The following ELF1 variants were observed in gnomAD, a reference collection of about 807,000 sequenced individuals.
ELF1 encodes ETS-related transcription factor Elf-1.
A neutral mutation model predicts 59.9 loss-of-function variants in ELF1; 24 were observed. The observed-to-expected ratio is 0.40, with a 90% CI of 0.29 to 0.56. The LOEUF (loss-of-function observed/expected upper bound fraction) is 0.56. ELF1 is among the 20% of genes least tolerant of loss of function. The probability of loss-of-function intolerance (pLI) is 0.44; values close to 1 mark genes in which losing one functional copy is unlikely to be tolerated. For synonymous variants in ELF1, 248 were observed against 266.2 expected (o/e 0.93, Z 0.67); for missense variants, 627 against 742.2 (o/e 0.84, Z 1.80).
Position 40,961,669 on chromosome 13 carries a change from A to G in ELF1, c.73-2653T>C, listed in dbSNP as rs370221497. ...TTCCCTTTCCCTTTTTTGACAGGTA[A>G]ATTGTAGACATGCAATCCCACCTAG... On this transcript the variant is annotated intron_variant, in intron 2 of 8. Transcript: ENST00000239882. Among the ~76,000 whole-genome samples, 14 of 152,348 alleles carry G rather than the reference A, an allele frequency of 9.2e-5. No individual in the cohort carries two copies. In the South Asian group the frequency reaches 2.9e-3, roughly 32 times the overall value.
chr13:40,943,611 T>C (rs1459594583), intron 6 of ELF1, among the ~76,000 whole-genome samples: 1 of 152,208 alleles, frequency 6.6e-6, no homozygotes, highest in African/African-American at 2.4e-5. Context: ...AGTCTCTTTA[T>C]TAAATGAAAA....
intron 1 of ELF1, among the ~76,000 whole-genome samples, chr13:40,992,107 T>C (rs543906670): frequency 6.6e-6 from 1 of 152,348 alleles, no homozygotes; most frequent in South Asian, 2.1e-4. Context: ...TAATGTCACA[T>C]TTTATTCTTT....
chr13:40,982,216 G>T lies in ELF1; in HGVS notation c.-162C>A. 1.5e-6 allele frequency: 2 copies of T among 1,301,348 alleles called. No homozygotes were observed. Among genetic ancestry groups the T allele is most frequent in the Non-Finnish European group, 2.0e-6 (2 of 1,023,538 alleles). The allele number at this position is 1,301,348 out of a possible 1,614,324, so 80.6% of individuals were successfully genotyped here. A position where few individuals can be genotyped will look rare whatever the true frequency, so the allele number is the denominator to read the frequency against. On this transcript the variant is annotated 5_prime_UTR_variant, in exon 2 of 9. Transcript: ENST00000239882. ...TAGGGAAGGTGCTTCAGTTTTCCTG[G>T]TTCATTGATATTCTAGTCAAATTGA...
intron 2 of ELF1, among the ~76,000 whole-genome samples, chr13:40,965,358 A>C (rs1872110740): frequency 6.6e-6 from 1 of 152,216 alleles, no homozygotes. Flanking sequence ...GCAGTGGCTC[A>C]CACCTGTAAC....
intron 1 of ELF1, among the ~76,000 whole-genome samples, chr13:41,050,119 C>G (rs1877025911): frequency 6.6e-6 from 1 of 152,166 alleles, no homozygotes; most frequent in Non-Finnish European, 1.5e-5. Flanking sequence ...CAACAAAACT[C>G]TTTTCATCTT....
chr13:41,007,939 C>T (rs1874844088), intron 1 of ELF1, among the ~76,000 whole-genome samples: 1 of 152,158 alleles, frequency 6.6e-6, no homozygotes. Context: ...GATGCAAAAG[C>T]AAAGCAGGAT....
In ELF1 at chr13:40,941,064, C is replaced by T; in HGVS notation, c.1113G>A (p.Val371=). 6.8e-6 allele frequency: 11 copies of T among 1,614,194 alleles called. No homozygotes were observed. The highest frequency in any genetic ancestry group is 8.5e-6 in the Non-Finnish European group (10 of 1,180,036). The change falls in exon 8 of 9, where the codon GTG becomes GTA. Residue 371 remains valine (V), a synonymous_variant. Coordinates refer to ENST00000239882, the MANE Select transcript of ELF1 (RefSeq NM_172373.4). The part of the protein sequence containing the change: ...VAQPSEVLRT[V]QPTQSPYPTQ... ...TAGGATATGGAGACTGCGTGGGCTG[C>T]ACTGTCCTCAAAACTTCTGATGGTT...
intron 1 of ELF1, among the ~76,000 whole-genome samples, chr13:41,049,112 C>T (rs138064209): frequency 3.9e-5 from 6 of 152,304 alleles, no homozygotes; most frequent in African/African-American, 7.2e-5. Flanking sequence ...CTCTGCCCCA[C>T]CTCCTCACCA....
intron 1 of ELF1, among the ~76,000 whole-genome samples, chr13:41,050,852 T>G (rs1435140810): frequency 6.6e-6 from 1 of 152,210 alleles, no homozygotes; most frequent in African/African-American, 2.4e-5. Flanking sequence ...CCCGGCCTCT[T>G]TCAGATTTTT....
intron 1 of ELF1, among the ~76,000 whole-genome samples, chr13:41,009,583 T>C (rs1874934869): frequency 1.3e-5 from 2 of 152,228 alleles, no homozygotes; most frequent in African/African-American, 2.4e-5. Context: ...GGGGGGCTAT[T>C]TGACTTTAAT....
intron 2 of ELF1, among the ~76,000 whole-genome samples, chr13:40,963,204 G>A (rs1428808613): frequency 6.6e-6 from 1 of 152,200 alleles, no homozygotes; most frequent in Non-Finnish European, 1.5e-5. Context: ...CAGGGTCCAT[G>A]TCCTTTACTT....
intron 1 of ELF1, among the ~76,000 whole-genome samples, chr13:41,037,275 C>T (rs890169655): frequency 6.6e-6 from 1 of 152,062 alleles, no homozygotes; most frequent in Non-Finnish European, 1.5e-5. Flanking sequence ...GCGATTAAGC[C>T]TTTAGGCCAA....
chr13:40,959,207 A>T (rs1363222308), intron 2 of ELF1, among the ~76,000 whole-genome samples, 191 bp from the exon 3 acceptor site: 1 of 152,176 alleles, frequency 6.6e-6, no homozygotes, highest in East Asian at 1.9e-4. Context: ...TTAAAATTTA[A>T]AAATGAAGGC....
chr13:40,957,627 G>C (rs1454806706), intron 3 of ELF1, among the ~76,000 whole-genome samples: 1 of 151,970 alleles, frequency 6.6e-6, no homozygotes, highest in Non-Finnish European at 1.5e-5. Flanking sequence ...CACCATGATT[G>C]TAAGTTTCCT....
intron 1 of ELF1, among the ~76,000 whole-genome samples, chr13:41,053,177 A>T (rs1877150908): frequency 6.6e-6 from 1 of 152,006 alleles, no homozygotes; most frequent in Admixed American, 6.6e-5. Flanking sequence ...AATACAGTGA[A>T]ATTCCATCTC....
chr13:41,001,578 T>C (rs992680812), intron 1 of ELF1, among the ~76,000 whole-genome samples: 1 of 152,172 alleles, frequency 6.6e-6, no homozygotes, highest in African/African-American at 2.4e-5. Context: ...AGAACAGACA[T>C]ACAACGTGAG....
chr13:40,946,355 T>A (rs376875307), intron 5 of ELF1, among the ~76,000 whole-genome samples: 5 of 152,228 alleles, frequency 3.3e-5, no homozygotes, highest in African/African-American at 9.7e-5. Context: ...AATATATTCA[T>A]CACCCCAAAA....
At chr13:41,040,758 C>T (rs374824949) in intron 1 of ELF1, among the ~76,000 whole-genome samples, 2 of 152,092 alleles carry the variant, frequency 1.3e-5, no homozygotes, top group East Asian at 3.8e-4. Flanking sequence ...TAACAGGCCA[C>T]GGATGGGTAC....
chr13:41,033,324 T>C (rs912400304), intron 1 of ELF1, among the ~76,000 whole-genome samples: 1 of 152,236 alleles, frequency 6.6e-6, no homozygotes, highest in African/African-American at 2.4e-5. Context: ...GGGACAGTTA[T>C]AATCCTTATT....
Sources: allele counts gnomAD v4.1 joint callset (sites outside exome capture counted in the v4.1 genomes callset), GRCh38; gene constraint gnomAD v4.1.1; transcripts MANE v1.5; gene names NCBI Gene and HGNC (gene_info 2026-07-23, HGNC 2026-07-21).